The following ERI1 variants were observed in gnomAD, a reference collection of about 807,000 sequenced individuals.
The protein encoded by ERI1 is exoribonuclease 1, also known as 3'-5' exoribonuclease 1.
A neutral mutation model predicts 39.7 loss-of-function variants in ERI1; 39 were observed. The ratio of observed to expected loss-of-function variants is 0.98; its 90% CI spans 0.76 to 1.28. ERI1 has a LOEUF of 1.28. Ranked by LOEUF, ERI1 falls within the 50% of genes most tolerant of loss-of-function variation. The probability of loss-of-function intolerance (pLI) is 0.00; values close to 1 mark genes in which losing one functional copy is unlikely to be tolerated. For synonymous variants in ERI1, 204 were observed against 149.6 expected (o/e 1.36, Z -2.65); for missense variants, 581 against 416.9 (o/e 1.39, Z -3.43).
intron 3 of ERI1, among the ~76,000 whole-genome samples, chr8:9,013,325 A>T (rs1298010192): frequency 1.0e-4 from 2 of 19,424 alleles, no homozygotes; most frequent in Non-Finnish European, 2.7e-4. Flanking sequence ...ATTCTCACTT[A>T]AAAAAAAAAA....
chr8:9,024,919 G>C (rs780606735), intron 6 of ERI1, among the ~76,000 whole-genome samples: 1 of 146,988 alleles, frequency 6.8e-6, no homozygotes, highest in African/African-American at 2.4e-5. Context: ...GACAATTTCT[G>C]CCTTTGCTCT....
At chr8:9,066,611 T>A (rs1798887012) in intron 3 of ERI1, among the ~76,000 whole-genome samples, 2 of 152,184 alleles carry the variant, frequency 1.3e-5, no homozygotes, top group Non-Finnish European at 2.9e-5. Flanking sequence ...TGTAGGACAT[T>A]TTGTTATTCA....
intron 3 of ERI1, among the ~76,000 whole-genome samples, chr8:9,012,583 T>G (rs1035604461): frequency 1.3e-5 from 2 of 152,210 alleles, no homozygotes; most frequent in Admixed American, 1.3e-4. Context: ...CAAAGCAGAT[T>G]GAAGGTCAGT....
intron 3 of ERI1, among the ~76,000 whole-genome samples, chr8:9,041,538 A>C (rs1193949345): frequency 6.6e-6 from 1 of 152,242 alleles, no homozygotes; most frequent in African/African-American, 2.4e-5. Flanking sequence ...AGGAACATTC[A>C]AAACTAAACA....
intron 3 of ERI1, among the ~76,000 whole-genome samples, chr8:9,076,325 G>A (rs1438922655): frequency 6.6e-6 from 1 of 152,200 alleles, no homozygotes; most frequent in Non-Finnish European, 1.5e-5. Context: ...GTACAGAAGA[G>A]AGGGTATAAA....
chr8:9,087,108 G>A (rs1226078578), intron 3 of ERI1, among the ~76,000 whole-genome samples: 4 of 151,822 alleles, frequency 2.6e-5, no homozygotes, highest in Non-Finnish European at 5.9e-5. Context: ...AGGTTCATGT[G>A]TGCCATGGTG....
In ERI1 at chr8:9,002,940, C is replaced by T. The variant is rs949025178; in HGVS notation, c.-124C>T. On this transcript the variant is annotated 5_prime_UTR_variant, in exon 1 of 7. Transcript: ENST00000250263. ...GAGGTGGCCGCTGGAGTTTGTGTGG[C>T]CGCCGCCGCGGGAACGCGAGCCCGG... The T allele has an allele frequency of 5.9e-5, 41 of 689,270 alleles. No homozygotes were observed. Among genetic ancestry groups the T allele is most frequent in the Non-Finnish European group, 8.1e-5 (40 of 491,970 alleles). The allele number at this position is 689,270 out of a possible 1,614,324, so 42.7% of individuals were successfully genotyped here.
intron 6 of ERI1, among the ~76,000 whole-genome samples, chr8:9,021,573 C>CAAAT (rs1317218461): frequency 6.6e-6 from 1 of 152,098 alleles, no homozygotes; most frequent in Non-Finnish European, 1.5e-5. Context: ...TGCTATAAAG[C>CAAAT]AAATACCCTT....
At chr8:9,089,325 G>A (rs1463929100) in intron 3 of ERI1, among the ~76,000 whole-genome samples, 1 of 152,150 alleles carries the variant, frequency 6.6e-6, no homozygotes, top group East Asian at 1.9e-4. Context: ...GGCTGGTCTT[G>A]AACTACTGGC....
chr8:9,052,264 C>A (rs1041675456), intron 3 of ERI1, among the ~76,000 whole-genome samples: 14 of 152,096 alleles, frequency 9.2e-5, no homozygotes, highest in African/African-American at 3.4e-4. Context: ...TCTCTGTGTT[C>A]TATTTCTCTG....
chr8:9,029,708 A>C (rs1797448618), intron 6 of ERI1, 84 bp from the exon 7 acceptor site: 14 of 1,506,512 alleles, frequency 9.3e-6, no homozygotes, highest in Non-Finnish European at 1.2e-5. Context: ...GCTAATTTTC[A>C]GTTTCTTATT....
In ERI1 at chr8:9,086,921, G is replaced by A. The variant is rs532132273; in HGVS notation, n.300-29427G>A. ...TATATGCCTACATTATAATCTATAA[G>A]TGTACACAGGAAAATTCTCAAAATT... On this transcript the variant is annotated intron_variant and non_coding_transcript_variant, in intron 3 of 3. Transcript: ENST00000518663. Among the ~76,000 whole-genome samples the A allele has an allele frequency of 2.6e-5, 4 of 152,218 alleles. No homozygotes were observed. The East Asian group carries it at 7.7e-4, about 29-fold the overall frequency.
At chr8:9,050,777 A>G (rs920715541) in intron 3 of ERI1, among the ~76,000 whole-genome samples, 4 of 152,186 alleles carry the variant, frequency 2.6e-5, no homozygotes, top group African/African-American at 7.2e-5. Flanking sequence ...ACTTAGGTCT[A>G]TCCCACCACA....
intron 3 of ERI1, among the ~76,000 whole-genome samples, chr8:9,051,989 CTG>C (rs2117375360): frequency 6.6e-6 from 1 of 152,334 alleles, no homozygotes; most frequent in South Asian, 2.1e-4. Context: ...TGACCTTGCT[CTG>C]TTAAACGGGG....
intron 5 of ERI1, among the ~76,000 whole-genome samples, chr8:9,019,834 T>C (rs1264764417): frequency 6.6e-6 from 1 of 152,188 alleles, no homozygotes; most frequent in Non-Finnish European, 1.5e-5. Flanking sequence ...TCTCCTTGCC[T>C]AAGAAAAACC....
chr8:9,048,484 TC>T (rs1798249055), intron 3 of ERI1: 1 of 154,374 alleles, frequency 6.5e-6, no homozygotes, highest in Admixed American at 6.5e-5. Context: ...AGAAGACTTT[TC>T]CTTTCCTCCA....
intron 3 of ERI1, among the ~76,000 whole-genome samples, chr8:9,051,556 C>T (rs1309794336): frequency 6.6e-6 from 1 of 151,728 alleles, no homozygotes; most frequent in Non-Finnish European, 1.5e-5. Flanking sequence ...ACTTGGGAGG[C>T]TAAGGTGGAA....
intron 3 of ERI1, among the ~76,000 whole-genome samples, chr8:9,077,091 G>A (rs1799232765): frequency 1.3e-5 from 2 of 152,178 alleles, no homozygotes; most frequent in South Asian, 4.1e-4. Flanking sequence ...ATGTTTATTA[G>A]CTACCCATTA....
At chr8:9,060,662 T>G in intron 3 of ERI1, among the ~76,000 whole-genome samples, 1 of 152,254 alleles carries the variant, frequency 6.6e-6, no homozygotes, top group African/African-American at 2.4e-5. Context: ...CTAAGAACCA[T>G]TTGCCTTGTG....
Sources: allele counts gnomAD v4.1 joint callset (sites outside exome capture counted in the v4.1 genomes callset), GRCh38; gene constraint gnomAD v4.1.1; transcripts MANE v1.5; gene names NCBI Gene and HGNC (gene_info 2026-07-23, HGNC 2026-07-21).